WDR90: variants seen among roughly 807,000 people sequenced by gnomAD.
The protein encoded by WDR90 is WD repeat-containing protein 90.
In WDR90, 238 loss-of-function variants were observed where a neutral mutation model predicts 195.2. The ratio of observed to expected loss-of-function variants is 1.22; its 90% CI spans 1.10 to 1.36. The LOEUF is 1.36. Among genes scored for constraint, WDR90 ranks in the 40% most tolerant of loss-of-function variants. The probability of loss-of-function intolerance (pLI) is 0.00; values close to 1 mark genes in which losing one functional copy is unlikely to be tolerated. For synonymous variants in WDR90, 1,265 were observed against 1,052.4 expected, an observed-to-expected ratio of 1.20 and a Z score of -3.91; for missense variants, 2,734 against 2,439.5, an observed-to-expected ratio of 1.12 and a Z score of -2.54.
Position 655,253 on chromosome 16 carries a change from C to A in WDR90, c.1557-54C>A. ...CTTGGCTGTGCGTCTCTGCGTCTCC[C>A]GGTGGGTCAGGGCGCTGCGAGCTGC... On this transcript the variant is annotated intron_variant, in intron 14 of 40. Transcript: ENST00000293879. 6.2e-7 allele frequency: 1 copy of A among 1,611,352 alleles called. No homozygotes were observed. Among genetic ancestry groups the A allele is most frequent in the South Asian group, 1.1e-5 (1 of 91,032 alleles).
In WDR90 at chr16:650,687, C is replaced by G. The variant is rs1358998929; in HGVS notation, c.537C>G (p.Thr179=). The G allele has an allele frequency of 6.2e-7, 1 of 1,610,946 alleles. No individual in the cohort carries two copies. The highest frequency in any genetic ancestry group is 1.1e-5 in the South Asian group (1 of 91,050). ...GCCTGCTGGTCAGGAACCTGTACAC[C>G]AGTGACCTGTGCTTTGAGCCTGGTG... is the stretch of plus-strand genomic sequence containing the variant. ...CASLLVRNLY[T]SDLCFEPAIS... Residue 179 remains threonine (T), a synonymous_variant, in exon 5 of 41, where the codon ACC becomes ACG. Transcript: ENST00000293879.
intron 20 of WDR90, 33 bp from the exon 21 acceptor site, chr16:657,729 C>T: frequency 1.3e-6 from 2 of 1,514,426 alleles, no homozygotes; most frequent in South Asian, 1.2e-5. Flanking sequence ...CGGCACTCCC[C>T]ACCCAGCTGA....
chr16:650,857 G>A, intron 5 of WDR90, 138 bp from the exon 6 acceptor site: 1 of 1,469,760 alleles, frequency 6.8e-7, no homozygotes, highest in African/African-American at 1.4e-5. Context: ...AGGCAGCCCT[G>A]GGGTCAGAAC....
At position 655,774 on chromosome 16, in the gene WDR90, C is replaced by A. The variant is rs767864750; in HGVS notation, c.1851C>A (p.Gly617=). ...GCACTGACGCCTCCCTGCCCCCAGG[C>A]CCCGGCATTGCCATCAGCAGCCTCA... ...PHPQKQTFSS[G]PGIAISSLSV... is the part of the protein sequence containing the mutation. Residue 617 remains glycine, a splice_region_variant and synonymous_variant, in exon 17 of 41, where the codon GGC becomes GGA. Transcript: ENST00000293879. 16 of 1,585,972 alleles carry A rather than the reference C, an allele frequency of 1.0e-5. 1 individual carries two copies. The African/African-American group carries it at 2.0e-4, about 20-fold the overall frequency.
chr16:655,481 C>A lies in WDR90; in HGVS notation c.1718+13C>A. ...CGGCTGCCATGCTGTGAGTCCCTGCCCTTCCCCACGGCCTGCCCCGGCATG... is the reference window on the plus strand; with the variant it reads ...CGGCTGCCATGCTGTGAGTCCCTGCACTTCCCCACGGCCTGCCCCGGCATG... On this transcript the variant is annotated intron_variant, in intron 15 of 40. Transcript: ENST00000293879. The A allele has an allele frequency of 6.5e-7, 1 of 1,528,820 alleles. No individual in the cohort carries two copies. The highest frequency in any genetic ancestry group is 1.3e-5 in the South Asian group (1 of 79,232). 94.7% of individuals were successfully genotyped at this position (1,528,820 alleles called of 1,614,324 possible).
Position 667,506 on chromosome 16 carries a change from C to T in WDR90, c.5164C>T (p.Leu1722=), listed in dbSNP as rs758816887. 6.2e-7 allele frequency: 1 copy of T among 1,612,560 alleles called. No homozygotes were observed. ...TGCCGGCCACGACAACGCAGTGCACCTGTGCAGGTTTACACCGTCCGCCAG... is the reference window on the plus strand; with the variant it reads ...TGCCGGCCACGACAACGCAGTGCACTTGTGCAGGTTTACACCGTCCGCCAG... ...DFAGHDNAVH[L]CRFTPSARLL... Residue 1722 remains leucine (L), a synonymous_variant, in exon 41 of 41, where the codon CTG becomes TTG. Transcript: ENST00000293879.
Position 661,941 on chromosome 16 carries a change from G to C in WDR90, c.3915G>C (p.Ser1305=). 1 of 1,608,662 alleles carries C rather than the reference G, an allele frequency of 6.2e-7. No homozygotes were observed. Among genetic ancestry groups the C allele is most frequent in the Non-Finnish European group, 8.5e-7 (1 of 1,179,902 alleles). The part of the protein sequence containing the change: ...PEAVGAGELT[S]LCYGAPPLLY... ...CAGTGGGGGCTGGAGAGCTGACCTC[G>C]CTCTGCTACGGGGCACCTCCCCTGC... Residue 1305 remains serine (S), a synonymous_variant, in exon 32 of 41, where the codon TCG becomes TCC. Coordinates refer to ENST00000293879, the MANE Select transcript of WDR90 (RefSeq NM_145294.5).
At chr16:658,495 A>G (rs781451479) in intron 22 of WDR90, 30 bp from the exon 23 acceptor site, 7 of 1,594,018 alleles carry the variant, frequency 4.4e-6, no homozygotes, top group East Asian at 2.3e-5. Flanking sequence ...CTCCTGAGAC[A>G]CGGCATTTCC....
In WDR90 at chr16:667,494, A is replaced by C. The variant is rs1234340745; in HGVS notation, c.5152A>C (p.Asn1718His). The change falls in exon 41 of 41, where the codon AAC becomes CAC. Residue 1718 changes from asparagine to histidine, a missense_variant. Coordinates refer to ENST00000293879, the MANE Select transcript of WDR90 (RefSeq NM_145294.5). ...TGCCCAAGACTTTGCCGGCCACGAC[A>C]ACGCAGTGCACCTGTGCAGGTTTAC... ...GTAQDFAGHD[N>H]AVHLCRFTPS... The C allele has an allele frequency of 3.1e-6, 5 of 1,611,910 alleles. No individual in the cohort carries two copies. The highest frequency in any genetic ancestry group is 4.2e-6 in the Non-Finnish European group (5 of 1,179,326).
intron 10 of WDR90, 26 bp downstream of exon 10, chr16:652,561 A>G: frequency 6.3e-7 from 1 of 1,585,598 alleles, no homozygotes; most frequent in Non-Finnish European, 8.6e-7. Flanking sequence ...CTGTGTCCAG[A>G]GCAGCTCTCG....
chr16:652,209 TC>T, intron 9 of WDR90, 170 bp downstream of exon 9: 1 of 897,800 alleles, frequency 1.1e-6, no homozygotes, highest in Non-Finnish European at 1.7e-6. Context: ...AGAATCTCTG[TC>T]CACAAAGAGT....
At chr16:656,600 A>G in intron 18 of WDR90, 63 bp downstream of exon 18, 1 of 1,574,204 alleles carries the variant, frequency 6.4e-7, no homozygotes, top group African/African-American at 1.3e-5. Flanking sequence ...GGGGTTTGTC[A>G]GCGGGGGTGA....
At chr16:654,705 C>G (rs1475019067) in intron 13 of WDR90, 1 of 360,402 alleles carries the variant, frequency 2.8e-6, no homozygotes, top group Admixed American at 4.2e-5. Flanking sequence ...CCACCTCAGC[C>G]TCCCAAAGTG....
Position 660,623 on chromosome 16 carries a change from G to C in WDR90, c.3300G>C (p.Pro1100=), listed in dbSNP as rs375330337. The C allele has an allele frequency of 1.8e-5, 29 of 1,568,102 alleles. No individual in the cohort carries two copies. The highest frequency in any genetic ancestry group is 1.3e-4 in the Admixed American group (7 of 53,774). ...CTCCTTCCTCGCAGGGCACTTGCCCGCCTCCCGCCAGCGGTGGGTGGCTGC... is the reference window on the plus strand; with the variant it reads ...CTCCTTCCTCGCAGGGCACTTGCCCCCCTCCCGCCAGCGGTGGGTGGCTGC... ...CSPHSAKGTC[P]PPASGGWLRL... is the part of the protein sequence containing the mutation. The change falls in exon 28 of 41, where the codon CCG becomes CCC. Residue 1100 remains proline (P), a synonymous_variant. Coordinates refer to ENST00000293879, the MANE Select transcript of WDR90 (RefSeq NM_145294.5).
At chr16:657,003 T>C (rs1456175182) in intron 19 of WDR90, 88 bp from the exon 20 acceptor site, 38 of 1,563,024 alleles carry the variant, frequency 2.4e-5, no homozygotes, top group Middle Eastern at 1.8e-4. Flanking sequence ...GGGACTTCCA[T>C]GGCCAGGCTG....
intron 26 of WDR90, among the ~76,000 whole-genome samples, chr16:659,704 CGGA>C (rs2037852789): frequency 1.3e-5 from 2 of 152,202 alleles, no homozygotes; most frequent in Non-Finnish European, 2.9e-5. Flanking sequence ...CCTGTGCTCA[CGGA>C]GGAGGAGGCT....
chr16:659,203 T>C lies in WDR90; in HGVS notation c.3053-42T>C, dbSNP rs371679539. ...CGTCCTGTGTCTGCCTAGTGGCCCTTCCTCTTCCTTCCCAAACATCACAGG... is the reference window on the plus strand; with the variant it reads ...CGTCCTGTGTCTGCCTAGTGGCCCTCCCTCTTCCTTCCCAAACATCACAGG... On this transcript the variant is annotated intron_variant, in intron 25 of 40. Coordinates refer to ENST00000293879, the MANE Select transcript of WDR90 (RefSeq NM_145294.5). The C allele has an allele frequency of 1.4e-5, 23 of 1,610,456 alleles. No individual in the cohort carries two copies. In the African/African-American group the frequency reaches 2.7e-4, roughly 19 times the overall value.
At position 661,786 on chromosome 16, in the gene WDR90, A is replaced by G. The variant is rs1298703848; in HGVS notation, c.3863A>G (p.Gln1288Arg). 4.4e-6 allele frequency: 7 copies of G among 1,596,494 alleles called. No homozygotes were observed. The highest frequency in any genetic ancestry group is 6.0e-6 in the Non-Finnish European group (7 of 1,169,864). The change falls in exon 31 of 41, where the codon CAG (glutamine) becomes CGG (arginine). Residue 1288 changes from glutamine (Q) to arginine (R), a missense_variant and splice_region_variant. Transcript: ENST00000293879. ...CAGCGTGGGGCAGACATCAGCCTTC[A>G]GGTGCCACCCGTTCAGCGTTTGGGC... is the stretch of plus-strand genomic sequence containing the variant. ...LQQRGADISL[Q>R]VRREPVPEAV...
rs576751240 is a variant in WDR90 at position 655,608 on chromosome 16, T to C, written c.1754T>C (p.Ile585Thr). 4.1e-5 allele frequency: 66 copies of C among 1,606,838 alleles called. No individual in the cohort carries two copies. The highest frequency in any genetic ancestry group is 1.3e-4 in the Admixed American group (8 of 59,462). The stretch of plus-strand genomic sequence containing the variant: ...AGCCGCAGTGGCCACATCTTGGAGA[T>C]TGACTGTCAGCGCATGGTCGTGCGG... ...VCSRSGHILE[I>T]DCQRMVVRHA... The change falls in exon 16 of 41, where the codon ATT (isoleucine) becomes ACT (threonine). Residue 585 changes from isoleucine to threonine, a missense_variant. By Grantham distance (89) the Ile-to-Thr change is moderately conservative. Coordinates refer to ENST00000293879, the MANE Select transcript of WDR90 (RefSeq NM_145294.5).
Sources: gnomAD v4.1 joint callset for allele counts (sites outside exome capture counted in the v4.1 genomes callset) on GRCh38, gnomAD v4.1.1 for gene constraint, MANE v1.5 for transcripts, NCBI Gene and HGNC (gene_info 2026-07-23, HGNC 2026-07-21) for gene names.